The following PHLDB2 variants were observed in gnomAD, a reference collection of about 807,000 sequenced individuals.
PHLDB2 encodes pleckstrin homology-like domain family B member 2.
A neutral mutation model predicts 123.6 loss-of-function variants in PHLDB2; 71 were observed. The ratio of observed to expected loss-of-function variants is 0.57; its 90% CI spans 0.47 to 0.70. The LOEUF (loss-of-function observed/expected upper bound fraction) is 0.70, where lower values mean the gene tolerates loss of function less well. PHLDB2 is among the 30% of genes least tolerant of loss of function. The probability of loss-of-function intolerance (pLI) is 0.00; values close to 1 mark genes in which losing one functional copy is unlikely to be tolerated. For synonymous variants in PHLDB2, 547 were observed against 541.6 expected (o/e 1.01, Z -0.14); for missense variants, 1,446 against 1,519.5 (o/e 0.95, Z 0.80).
chr3:111,950,732 T>C (rs1433313433), intron 10 of PHLDB2, among the ~76,000 whole-genome samples: 4 of 152,208 alleles, frequency 2.6e-5, no homozygotes, highest in African/African-American at 9.6e-5. Flanking sequence ...GCTTAGCCCT[T>C]ATGTTTCTTG....
chr3:111,962,423 C>A, intron 13 of PHLDB2, 111 bp downstream of exon 13: 1 of 875,464 alleles, frequency 1.1e-6, no homozygotes. Context: ...ATTTTTGAGA[C>A]ATAAAGGGTC....
At chr3:111,967,333 C>T (rs2071842706) in intron 14 of PHLDB2, among the ~76,000 whole-genome samples, 1 of 152,114 alleles carries the variant, frequency 6.6e-6, no homozygotes, top group African/African-American at 2.4e-5. Flanking sequence ...GGCTAAATCA[C>T]GTGATAAGTG....
chr3:111,966,546 G>A (rs1271487375), intron 13 of PHLDB2, 67 bp from the exon 14 acceptor site: 14 of 921,510 alleles, frequency 1.5e-5, no homozygotes, highest in Admixed American at 7.7e-5. Flanking sequence ...GTGTGTGTGT[G>A]TGTATGTATT....
chr3:111,828,491 T>C (rs902085914), intron 1 of PHLDB2, among the ~76,000 whole-genome samples: 2 of 152,206 alleles, frequency 1.3e-5, no homozygotes, highest in African/African-American at 4.8e-5. Flanking sequence ...TAAATAGTTT[T>C]GGCTTTTAAA....
At position 111,948,917 on chromosome 3, in the gene PHLDB2, A is replaced by G. The variant is rs1235840704; in HGVS notation, c.2488-15A>G. 1.2e-6 allele frequency: 2 copies of G among 1,612,978 alleles called. No individual in the cohort carries two copies. Among genetic ancestry groups the G allele is most frequent in the Non-Finnish European group, 1.7e-6 (2 of 1,179,490 alleles). On this transcript the variant is annotated splice_polypyrimidine_tract_variant and intron_variant, in intron 9 of 17. Coordinates refer to ENST00000431670, the MANE Select transcript of PHLDB2 (RefSeq NM_001134438.2). Reference sequence around the variant, plus strand: ...TTGCTTTCTTTGTGTTTAACTTCTGAATTCCTCCTTTTAGGGCTATATCAG... The same window carrying G: ...TTGCTTTCTTTGTGTTTAACTTCTGGATTCCTCCTTTTAGGGCTATATCAG...
upstream of PHLDB2, among the ~76,000 whole-genome samples, chr3:111,857,676 C>T (rs570611710): frequency 5.3e-5 from 8 of 152,086 alleles, no homozygotes; most frequent in Non-Finnish European, 8.8e-5. Flanking sequence ...CTAAAAAACC[C>T]GGCATTCCTA....
chr3:111,968,069 C>A (rs540788894), intron 15 of PHLDB2, among the ~76,000 whole-genome samples: 1 of 150,628 alleles, frequency 6.6e-6, no homozygotes, highest in African/African-American at 2.4e-5. Context: ...ATGCATGGAA[C>A]GTTTTGCCAG....
In PHLDB2 at chr3:111,894,007, C is replaced by T. The variant is rs1277633523; in HGVS notation, c.1335+8595C>T. ...CATGTGCCATGCTGGTGTGCTGCAC[C>T]CACTAACTCGTCATCTAGCATTAGG... On this transcript the variant is annotated intron_variant, in intron 2 of 17. Coordinates refer to ENST00000431670, the MANE Select transcript of PHLDB2 (RefSeq NM_001134438.2). Among the ~76,000 whole-genome samples the T allele has an allele frequency of 1.3e-3, 185 of 145,260 alleles. 1 individual carries two copies. Among genetic ancestry groups the T allele is most frequent in the African/African-American group, 4.5e-3 (177 of 39,504 alleles).
chr3:111,810,054 C>T (rs59593243), intron 1 of PHLDB2, among the ~76,000 whole-genome samples: 84 of 152,144 alleles, frequency 5.5e-4, no homozygotes, highest in African/African-American at 2.0e-3. Flanking sequence ...GGTTTAAGAG[C>T]GTTAGTGCAT....
In PHLDB2 at chr3:111,859,848, T is replaced by C. The variant is rs535696711; in HGVS notation, c.-15+272T>C. 21 of 985,928 alleles carry C rather than the reference T, an allele frequency of 2.1e-5. No individual in the cohort carries two copies. The East Asian group carries it at 2.2e-3, about 101-fold the overall frequency. 61.1% of individuals were successfully genotyped at this position (985,928 alleles called of 1,614,324 possible). On this transcript the variant is annotated intron_variant, in intron 1 of 17. Transcript: ENST00000431670. ...AGGCGCTAGGGCGGCGGCGCCAGCGTAGAGCGGCGGTTTGGAGGAAAGATG... is the reference window on the plus strand; with the variant it reads ...AGGCGCTAGGGCGGCGGCGCCAGCGCAGAGCGGCGGTTTGGAGGAAAGATG...
chr3:111,940,575 T>G lies in PHLDB2; in HGVS notation c.2327T>G (p.Val776Gly). 6.2e-7 allele frequency: 1 copy of G among 1,603,400 alleles called. No individual in the cohort carries two copies. The highest frequency in any genetic ancestry group is 8.5e-7 in the Non-Finnish European group (1 of 1,175,576). ...TTGAAAAAGCAAGCCAATCACATTG[T>G]TCAGCAGGCTCAGAGAGAGCAAGAT... ...SALKKQANHI[V>G]QQAQREQDHF... Residue 776 changes from valine (V) to glycine (G), a missense_variant, in exon 8 of 18, where the codon GTT becomes GGT. Physicochemically the swap from Val to Gly is moderately radical, Grantham distance 109. Coordinates refer to ENST00000431670, the MANE Select transcript of PHLDB2 (RefSeq NM_001134438.2).
Position 111,913,556 on chromosome 3 carries a change from CTCAG to C in PHLDB2, c.1578_1581del (p.Ser526ArgfsTer42), listed in dbSNP as rs1312745804. On this transcript the variant is annotated frameshift_variant, in exon 3 of 18. Transcript: ENST00000431670. LOFTEE classifies it high-confidence loss of function. ...TGCAGACTTGGCAAGCTGTGGGAGT[CTCAG>C]TCAGAGCAGTGCCAGCTTCTTTACC... is the stretch of plus-strand genomic sequence containing the variant. 6.2e-7 allele frequency: 1 copy of C among 1,614,130 alleles called. No homozygotes were observed. The highest frequency in any genetic ancestry group is 1.1e-5 in the South Asian group (1 of 91,068).
intron 6 of PHLDB2, among the ~76,000 whole-genome samples, chr3:111,932,857 T>G (rs1047533018): frequency 6.6e-6 from 1 of 152,228 alleles, no homozygotes; most frequent in Non-Finnish European, 1.5e-5. Context: ...GTGTTTCCTT[T>G]TCTTTCTGCT....
chr3:111,842,075 T>G (rs1228478294), intron 1 of PHLDB2, among the ~76,000 whole-genome samples: 1 of 152,168 alleles, frequency 6.6e-6, no homozygotes, highest in African/African-American at 2.4e-5. Flanking sequence ...TTCTGTAAAT[T>G]TAGGGAAAAG....
chr3:111,741,482 G>A (rs2059603982), intron 1 of PHLDB2, among the ~76,000 whole-genome samples: 2 of 152,086 alleles, frequency 1.3e-5, no homozygotes, highest in Admixed American at 6.6e-5. Flanking sequence ...TGCTGTGACT[G>A]AGATGGAACT....
At chr3:111,876,783 G>C (rs557461340) in intron 1 of PHLDB2, among the ~76,000 whole-genome samples, 3 of 151,972 alleles carry the variant, frequency 2.0e-5, no homozygotes, top group African/African-American at 4.8e-5. Flanking sequence ...ATGTGTTCTC[G>C]TTGATCAACT....
chr3:111,973,677 A>AT (rs2072366459), intron 16 of PHLDB2, 55 bp from the exon 17 acceptor site: 8 of 916,318 alleles, frequency 8.7e-6, no homozygotes, highest in African/African-American at 3.4e-5. Context: ...TAAAATTATT[A>AT]TTTTTTCTGT....
chr3:111,932,127 A>G lies in PHLDB2; in HGVS notation c.2002-142A>G. ...CCACTTATATCCCTTTATCCTAGCCACTAACAAGATACGTTTCTACATTCA... is the reference window on the plus strand; with the variant it reads ...CCACTTATATCCCTTTATCCTAGCCGCTAACAAGATACGTTTCTACATTCA... On this transcript the variant is annotated intron_variant, in intron 5 of 17. Coordinates refer to ENST00000431670, the MANE Select transcript of PHLDB2 (RefSeq NM_001134438.2). 2.2e-6 allele frequency: 2 copies of G among 889,600 alleles called. 1 individual carries two copies. The highest frequency in any genetic ancestry group is 3.8e-5 in the South Asian group (2 of 52,796). 55.1% of individuals were successfully genotyped at this position (889,600 alleles called of 1,614,324 possible). A position where few individuals can be genotyped will look rare whatever the true frequency, so the allele number is the denominator to read the frequency against.
intron 1 of PHLDB2, among the ~76,000 whole-genome samples, chr3:111,864,755 G>A (rs899697627): frequency 6.6e-6 from 1 of 152,220 alleles, no homozygotes; most frequent in African/African-American, 2.4e-5. Context: ...GTGTTAGGTT[G>A]ATTTTATTAG....
Sources: gnomAD v4.1 joint callset for allele counts (sites outside exome capture counted in the v4.1 genomes callset) on GRCh38, gnomAD v4.1.1 for gene constraint, MANE v1.5 for transcripts, NCBI Gene and HGNC (gene_info 2026-07-23, HGNC 2026-07-21) for gene names.